BMPR1A: variants seen among roughly 807,000 people sequenced by gnomAD.
BMPR1A encodes bone morphogenetic protein receptor type-1A.
Under a neutral mutation model 66.0 loss-of-function variants are expected in BMPR1A, and 7 were observed. That is an observed-to-expected ratio of 0.11 (90% CI 0.06 to 0.20). BMPR1A has a LOEUF of 0.20. Among genes scored for constraint, BMPR1A ranks in the 10% least tolerant of loss-of-function variants. BMPR1A has a pLI of 1.00. For missense variants in BMPR1A, 408 were observed against 669.1 expected (o/e 0.61, Z 4.31); for synonymous variants, 200 against 229.7 (o/e 0.87, Z 1.17).
intron 3 of BMPR1A, among the ~76,000 whole-genome samples, chr10:86,889,216 A>G (rs1843113256): frequency 6.6e-6 from 1 of 152,160 alleles, no homozygotes; most frequent in South Asian, 2.1e-4. Context: ...GCTAGACTCT[A>G]GTGTAAGAAC....
chr10:86,884,025 C>A (rs1404220236), intron 3 of BMPR1A, among the ~76,000 whole-genome samples: 1 of 151,868 alleles, frequency 6.6e-6, no homozygotes, highest in Middle Eastern at 3.2e-3. Context: ...CAGGTAGACA[C>A]CACCACACTC....
At position 86,892,181 on chromosome 10, in the gene BMPR1A, A is replaced by G. The variant is rs1473234057; in HGVS notation, c.285A>G (p.Thr95=). 1.2e-6 allele frequency: 2 copies of G among 1,613,958 alleles called. No individual in the cohort carries two copies. Among genetic ancestry groups the G allele is most frequent in the African/African-American group, 1.3e-5 (1 of 74,934 alleles). ...IIEEDDQGET[T]LASGCMKYEG... The stretch of plus-strand genomic sequence containing the variant: ...AAGAAGATGACCAGGGAGAAACCAC[A>G]TTAGCTTCAGGGTGTATGAAATATG... The change falls in exon 5 of 13, where the codon ACA becomes ACG. Residue 95 remains threonine, a synonymous_variant. Coordinates refer to ENST00000372037, the MANE Select transcript of BMPR1A (RefSeq NM_004329.3).
chr10:86,851,814 G>A (rs1842571971), intron 2 of BMPR1A, among the ~76,000 whole-genome samples: 1 of 152,202 alleles, frequency 6.6e-6, no homozygotes, highest in Admixed American at 6.5e-5. Flanking sequence ...GGGGAGGAGA[G>A]TAGTAGAGGT....
chr10:86,880,487 T>C (rs532647897), intron 3 of BMPR1A, among the ~76,000 whole-genome samples: 3 of 152,354 alleles, frequency 2.0e-5, no homozygotes, highest in South Asian at 2.1e-4. Flanking sequence ...TTAATAGATA[T>C]GGGACTGTGT....
intron 2 of BMPR1A, among the ~76,000 whole-genome samples, chr10:86,845,149 G>A (rs1288615427): frequency 3.3e-5 from 5 of 152,204 alleles, no homozygotes; most frequent in Admixed American, 3.3e-4. Context: ...TCCCTTGAAA[G>A]AAGAGCCTGA....
At chr10:86,859,824 C>G (rs1279548348) in intron 2 of BMPR1A, among the ~76,000 whole-genome samples, 1 of 151,892 alleles carries the variant, frequency 6.6e-6, no homozygotes, top group Admixed American at 6.6e-5. Context: ...ACAAAAAGAA[C>G]TTGCATATAA....
intron 1 of BMPR1A, among the ~76,000 whole-genome samples, chr10:86,797,705 T>C (rs969371129): frequency 6.6e-6 from 1 of 152,146 alleles, no homozygotes; most frequent in African/African-American, 2.4e-5. Context: ...TATAGCATTT[T>C]CAGGTACCAT....
At chr10:86,832,278 C>T (rs1842279483) in intron 1 of BMPR1A, among the ~76,000 whole-genome samples, 1 of 151,926 alleles carries the variant, frequency 6.6e-6, no homozygotes, top group Non-Finnish European at 1.5e-5. Flanking sequence ...TGAGCCTGGC[C>T]AAGATGGTGA....
rs1040545439 is a variant in BMPR1A, at chr10:86,919,596, A to G, written c.1166+127A>G. On this transcript the variant is annotated intron_variant, in intron 10 of 12. Transcript: ENST00000372037. ...CTTGTTTTTAGTTACATAAATGTAT[A>G]GTTGGGGGGGATTTTGTTCTTTTTA... The G allele has an allele frequency of 1.3e-5, 16 of 1,270,878 alleles. No individual in the cohort carries two copies. In the Admixed American group the frequency reaches 1.5e-4, roughly 12 times the overall value. 78.7% of individuals were successfully genotyped at this position (1,270,878 alleles called of 1,614,324 possible). A position where few individuals can be genotyped will look rare whatever the true frequency, so the allele number is the denominator to read the frequency against.
At chr10:86,844,402 T>C (rs1223969384) in intron 2 of BMPR1A, among the ~76,000 whole-genome samples, 1 of 152,238 alleles carries the variant, frequency 6.6e-6, no homozygotes, top group Non-Finnish European at 1.5e-5. Context: ...CTTGTTTTAA[T>C]AGAATTACCG....
intron 4 of BMPR1A, among the ~76,000 whole-genome samples, chr10:86,890,568 G>C (rs1285771146): frequency 6.6e-6 from 1 of 151,678 alleles, no homozygotes; most frequent in African/African-American, 2.4e-5. Context: ...AAAACTCACT[G>C]ACAACCTCCT....
At position 86,790,189 on chromosome 10, in the gene BMPR1A, ATATATATATATATATATATATATATAT is replaced by A. The variant is rs1229843528; in HGVS notation, c.-268+33271_-268+33297del. 2.5e-3 allele frequency among the ~76,000 whole-genome samples: 33 copies of A among 13,208 alleles called. 6 individuals carry two copies. The highest frequency in any genetic ancestry group is 3.0e-3 in the Non-Finnish European group (27 of 8,896). 8.7% of individuals were successfully genotyped at this position (13,208 alleles called of 152,430 possible). On this transcript the variant is annotated intron_variant, in intron 1 of 12. Transcript: ENST00000372037. Reference sequence around the variant, plus strand: ...AAAAAAAAAAAAAAAAAAAAAAAAAATATATATATATATATATATATATATATATATATATATATATATATATCAAAA... The same window carrying A: ...AAAAAAAAAAAAAAAAAAAAAAAAAAATATATATATATATATATATCAAAA...
At chr10:86,848,398 G>T (rs921798966) in intron 2 of BMPR1A, among the ~76,000 whole-genome samples, 10 of 151,968 alleles carry the variant, frequency 6.6e-5, no homozygotes, top group African/African-American at 2.4e-4. Context: ...ATATTATTAT[G>T]CTTGAATATT....
intron 1 of BMPR1A, among the ~76,000 whole-genome samples, chr10:86,768,308 TA>T (rs1295112797): frequency 2.0e-5 from 3 of 152,174 alleles, no homozygotes; most frequent in Admixed American, 6.6e-5. Context: ...TAAAGTACAT[TA>T]AAAAAACTGT....
rs563162182 is a variant in BMPR1A at position 86,861,143 on chromosome 10, GA to G, written c.-152-14722del. Among the ~76,000 whole-genome samples the G allele has an allele frequency of 3.1e-3, 479 of 152,198 alleles. 1 individual carries two copies. Among genetic ancestry groups the G allele is most frequent in the Non-Finnish European group, 5.5e-3 (377 of 67,998 alleles). On this transcript the variant is annotated intron_variant, in intron 2 of 12. Coordinates refer to ENST00000372037, the MANE Select transcript of BMPR1A (RefSeq NM_004329.3). ...GGCGTGAGCCACCGCGCCTGGCCTA[GA>G]ACTTCTTACAACACCCTAAACCAGT...
chr10:86,766,725 C>T (rs1372177737), intron 1 of BMPR1A, among the ~76,000 whole-genome samples: 1 of 151,398 alleles, frequency 6.6e-6, no homozygotes, highest in Non-Finnish European at 1.5e-5. Flanking sequence ...ATGCCATTCT[C>T]CTGCCTCAGC....
rs538507739 is a variant in BMPR1A at position 86,900,291 on chromosome 10, A to G, written c.530+165A>G. ...TTAAGGGAAAAGGACCTTACTACCA[A>G]TTAATTAATTGGGCACAATTTCATA... On this transcript the variant is annotated intron_variant, in intron 7 of 12. Coordinates refer to ENST00000372037, the MANE Select transcript of BMPR1A (RefSeq NM_004329.3). Among the ~76,000 whole-genome samples, 8 of 152,314 alleles carry G rather than the reference A, an allele frequency of 5.3e-5. No homozygotes were observed. The South Asian group carries it at 1.4e-3, about 28-fold the overall frequency.
chr10:86,826,354 A>G (rs1002246399), intron 1 of BMPR1A, among the ~76,000 whole-genome samples: 5 of 152,086 alleles, frequency 3.3e-5, no homozygotes, highest in African/African-American at 4.8e-5. Context: ...GAAAAAATAT[A>G]TCTATATCTA....
chr10:86,832,257 G>A (rs1842279127), intron 1 of BMPR1A, among the ~76,000 whole-genome samples: 1 of 152,158 alleles, frequency 6.6e-6, no homozygotes, highest in African/African-American at 2.4e-5. Flanking sequence ...CACGAGGTCA[G>A]GAATTCGAGA....
Sources: gnomAD v4.1 joint callset for allele counts (sites outside exome capture counted in the v4.1 genomes callset) on GRCh38, gnomAD v4.1.1 for gene constraint, MANE v1.5 for transcripts, NCBI Gene and HGNC (gene_info 2026-07-23, HGNC 2026-07-21) for gene names.